ECPAS: variants seen among roughly 807,000 people sequenced by gnomAD.
The protein encoded by ECPAS is proteasome adapter and scaffold protein ECM29.
Under a neutral mutation model 255.1 loss-of-function variants are expected in ECPAS, and 70 were observed. That is an observed-to-expected ratio of 0.27 (90% CI 0.23 to 0.33). The LOEUF (loss-of-function observed/expected upper bound fraction) is 0.33, where lower values mean the gene tolerates loss of function less well. Ranked by LOEUF, ECPAS falls within the 10% of genes least tolerant of loss-of-function variation. ECPAS has a pLI of 1.00. For synonymous variants in ECPAS, 784 were observed against 775.0 expected, an observed-to-expected ratio of 1.01 and a Z score of -0.19; for missense variants, 1,817 against 2,206.4, an observed-to-expected ratio of 0.82 and a Z score of 3.54.
At position 111,414,001 on chromosome 9, in the gene ECPAS, A is replaced by G; in HGVS notation, c.1988-15T>C. ...AACCGGCAAACCTAAATAAGAATTC[A>G]GAATCACCTTAAATTTCAAGAAAAG... On this transcript the variant is annotated splice_polypyrimidine_tract_variant and intron_variant, in intron 19 of 49. Coordinates refer to ENST00000684092, the MANE Select transcript of ECPAS (RefSeq NM_001364929.1). 1 of 1,528,860 alleles carries G rather than the reference A, an allele frequency of 6.5e-7. No individual in the cohort carries two copies. The allele number at this position is 1,528,860 out of a possible 1,614,324, so 94.7% of individuals were successfully genotyped here. A position where few individuals can be genotyped will look rare whatever the true frequency, so the allele number is the denominator to read the frequency against.
intron 4 of ECPAS, among the ~76,000 whole-genome samples, chr9:111,443,754 G>A (rs2098249130): frequency 6.6e-6 from 1 of 152,088 alleles, no homozygotes; most frequent in African/African-American, 2.4e-5. Flanking sequence ...CCAGATGTTA[G>A]GTAAGATTCA....
chr9:111,455,548 G>C (rs964838977), intron 2 of ECPAS, among the ~76,000 whole-genome samples: 4 of 152,202 alleles, frequency 2.6e-5, no homozygotes, highest in Non-Finnish European at 4.4e-5. Flanking sequence ...CTGATATCTG[G>C]AAACCTGGAT....
chr9:111,366,782 G>C (rs892350297), intron 46 of ECPAS, among the ~76,000 whole-genome samples, 155 bp from the exon 47 acceptor site: 1 of 152,130 alleles, frequency 6.6e-6, no homozygotes, highest in Non-Finnish European at 1.5e-5. Context: ...GCAGGAAAAA[G>C]AGAAATAAAA....
chr9:111,420,208 G>C, intron 15 of ECPAS, 88 bp from the exon 16 acceptor site: 1 of 816,994 alleles, frequency 1.2e-6, no homozygotes, highest in Non-Finnish European at 2.1e-6. Flanking sequence ...CAATCAAGAT[G>C]AGTCTTCCTA....
intron 24 of ECPAS, among the ~76,000 whole-genome samples, chr9:111,406,930 C>T (rs1474835839): frequency 6.7e-6 from 1 of 149,064 alleles, no homozygotes; most frequent in African/African-American, 2.6e-5. Context: ...AAAAAACCTT[C>T]AGCACTGTGT....
rs1391402738 is a variant in ECPAS, at chr9:111,440,603, C to T, written c.390-82G>A. The T allele has an allele frequency of 8.0e-6, 9 of 1,129,798 alleles. No homozygotes were observed. In the East Asian group the frequency reaches 2.3e-4, roughly 29 times the overall value. 70.0% of individuals were successfully genotyped at this position (1,129,798 alleles called of 1,614,324 possible). On this transcript the variant is annotated intron_variant, in intron 5 of 49. Transcript: ENST00000684092. ...CAAAACACAGACAAAACAAAAATCA[C>T]GTAACAAAAACTGGCAGTTTTAAGC...
chr9:111,434,231 T>C (rs893159272), intron 7 of ECPAS, among the ~76,000 whole-genome samples: 1 of 152,112 alleles, frequency 6.6e-6, no homozygotes, highest in African/African-American at 2.4e-5. Context: ...CAACTTACTT[T>C]TAACAACAGC....
At chr9:111,415,252 T>TGTGA (rs1554788885) in intron 18 of ECPAS, among the ~76,000 whole-genome samples, 5,392 of 150,152 alleles carry the variant, frequency 0.036, 130 homozygotes, top group Non-Finnish European at 0.049. Flanking sequence ...TGTGTGTGTG[T>TGTGA]GAGAGAGAGA....
At chr9:111,448,055 AAAAT>A (rs1469779570) in intron 3 of ECPAS, among the ~76,000 whole-genome samples, 1 of 152,192 alleles carries the variant, frequency 6.6e-6, no homozygotes, top group East Asian at 1.9e-4. Flanking sequence ...ACCCAAAGGA[AAAAT>A]AAATAATTAG....
chr9:111,401,901 G>A (rs1206245210), intron 24 of ECPAS, among the ~76,000 whole-genome samples: 1 of 152,148 alleles, frequency 6.6e-6, no homozygotes, highest in Non-Finnish European at 1.5e-5. Flanking sequence ...CTGTTATTCT[G>A]TTCTTTTTCA....
chr9:111,458,881 G>A (rs1025133874), intron 2 of ECPAS, among the ~76,000 whole-genome samples: 2 of 152,168 alleles, frequency 1.3e-5, no homozygotes, highest in African/African-American at 4.8e-5. Context: ...CCTTTGGCTG[G>A]TTTTAACTTG....
At position 111,484,284 on chromosome 9, in the gene ECPAS, G is replaced by T; in HGVS notation, c.-251C>A. Reference sequence around the variant, plus strand: ...GCCCTAGCGGCCGGGGGAAATCCTCGAGGCGGGGCCGGAGCGCCCTTTTCC... The same window carrying T: ...GCCCTAGCGGCCGGGGGAAATCCTCTAGGCGGGGCCGGAGCGCCCTTTTCC... On this transcript the variant is annotated 5_prime_UTR_variant, in exon 1 of 50. Transcript: ENST00000684092. 1 of 1,527,206 alleles carries T rather than the reference G, an allele frequency of 6.5e-7. No homozygotes were observed. The highest frequency in any genetic ancestry group is 2.4e-5 in the East Asian group (1 of 41,024). The allele number at this position is 1,527,206 out of a possible 1,614,324, so 94.6% of individuals were successfully genotyped here. A position where few individuals can be genotyped will look rare whatever the true frequency, so the allele number is the denominator to read the frequency against.
intron 2 of ECPAS, among the ~76,000 whole-genome samples, chr9:111,457,933 G>A (rs536356391): frequency 5.3e-5 from 8 of 152,174 alleles, no homozygotes. Flanking sequence ...TGTGATTTAG[G>A]AAAATATCCT....
At chr9:111,373,474 C>T (rs1405219457) in intron 39 of ECPAS, 68 bp from the exon 40 acceptor site, 1 of 1,249,204 alleles carries the variant, frequency 8.0e-7, no homozygotes, top group Non-Finnish European at 1.2e-6. Context: ...TTCCCAGAAC[C>T]CAAACAAACC....
chr9:111,382,675 T>G (rs1487861354), intron 35 of ECPAS, among the ~76,000 whole-genome samples: 1 of 152,180 alleles, frequency 6.6e-6, no homozygotes, highest in Admixed American at 6.5e-5. Context: ...CCACTGGCAG[T>G]ATTATTAATA....
Position 111,378,567 on chromosome 9 carries a change from G to A in ECPAS, c.3954+13C>T, listed in dbSNP as rs564689881. On this transcript the variant is annotated intron_variant, in intron 36 of 49. Coordinates refer to ENST00000684092, the MANE Select transcript of ECPAS (RefSeq NM_001364929.1). The stretch of plus-strand genomic sequence containing the variant: ...TCATGATACTTACCAATATGCCTGC[G>A]CTATCCACTCACCTTTTCTTGCTCT... 6.0e-5 allele frequency: 96 copies of A among 1,609,936 alleles called. No individual in the cohort carries two copies. The East Asian group carries it at 1.4e-3, about 23-fold the overall frequency.
Position 111,390,056 on chromosome 9 carries a change from A to T in ECPAS, c.3207T>A (p.Asp1069Glu). ...TYKELCSLAS[D>E]LSQPDLVYKF... ...TATACACCAGATCTGGCTGGCTAAGATCACTTGCCAGAGAACAAAGTTCCT... is the reference window on the plus strand; with the variant it reads ...TATACACCAGATCTGGCTGGCTAAGTTCACTTGCCAGAGAACAAAGTTCCT... Residue 1069 changes from aspartate to glutamate, a missense_variant, in exon 30 of 50, where the codon GAT (aspartate) becomes GAA (glutamate). Around this residue, in one of 4 missense-constraint regions of ECPAS, gnomAD observed 960 missense variants for 1,179.0 expected, o/e 0.81. Transcript: ENST00000684092. 1 of 1,599,662 alleles carries T rather than the reference A, an allele frequency of 6.3e-7. No homozygotes were observed. The highest frequency in any genetic ancestry group is 8.5e-7 in the Non-Finnish European group (1 of 1,169,654).
chr9:111,423,581 A>T (rs2098217452), intron 12 of ECPAS, among the ~76,000 whole-genome samples: 1 of 152,328 alleles, frequency 6.6e-6, no homozygotes, highest in South Asian at 2.1e-4. Context: ...TGTAACCTCC[A>T]AACACCAAAG....
chr9:111,425,465 G>A lies in ECPAS; in HGVS notation c.1168C>T (p.Pro390Ser). 6.2e-7 allele frequency: 1 copy of A among 1,601,250 alleles called. No homozygotes were observed. The highest frequency in any genetic ancestry group is 8.5e-7 in the Non-Finnish European group (1 of 1,174,482). Residue 390 changes from proline (P) to serine (S), a missense_variant, in exon 12 of 50, where the codon CCA (proline) becomes TCA (serine). By Grantham distance (74) the Pro-to-Ser change is moderately conservative. This residue lies in a region of ECPAS where 573 missense variants were observed against 716.2 expected (regional missense o/e 0.80). Coordinates refer to ENST00000684092, the MANE Select transcript of ECPAS (RefSeq NM_001364929.1). ...CPEIKIKPLG[P>S]MLLNGLTKLI... ...TTGGTGAGGCCATTCAAAAGCATTG[G>A]ACCTAATGGCTTAATCTTGATTTCT...
Sources: allele counts gnomAD v4.1 joint callset (sites outside exome capture counted in the v4.1 genomes callset), GRCh38; gene constraint gnomAD v4.1.1; regional missense constraint gnomAD v4.1.1; transcripts MANE v1.5; gene names NCBI Gene and HGNC (gene_info 2026-07-23, HGNC 2026-07-21).